Variants in APC observed in about 807,000 individuals in gnomAD.
APC encodes the protein adenomatous polyposis coli protein.
In APC, 72 loss-of-function variants were observed where a neutral mutation model predicts 247.0. The ratio of observed to expected loss-of-function variants is 0.29; its 90% CI spans 0.24 to 0.35. The LOEUF is 0.35. APC is among the 10% of genes least tolerant of loss of function. APC has a pLI of 1.00. For synonymous variants in APC, 1,254 were observed against 1,162.5 expected, an observed-to-expected ratio of 1.08 and a Z score of -1.60; for missense variants, 3,400 against 3,360.7, an observed-to-expected ratio of 1.01 and a Z score of -0.29.
intron 8 of APC, among the ~76,000 whole-genome samples, chr5:112,815,285 G>T (rs1470534485): frequency 6.6e-6 from 1 of 152,114 alleles, no homozygotes; most frequent in Non-Finnish European, 1.5e-5. Context: ...ATGCTCATAT[G>T]CAAGAAACTC....
At chr5:112,825,402 A>G (rs1763541507) in intron 11 of APC, among the ~76,000 whole-genome samples, 2 of 152,198 alleles carry the variant, frequency 1.3e-5, no homozygotes, top group Admixed American at 1.3e-4. Flanking sequence ...AATGTGGCAC[A>G]TAAAGTCTTA....
chr5:112,791,755 C>T (rs998429283), intron 6 of APC, among the ~76,000 whole-genome samples: 2 of 151,974 alleles, frequency 1.3e-5, no homozygotes, highest in Non-Finnish European at 2.9e-5. Context: ...ATTAATGTCT[C>T]GATTAATATA....
rs370948574 is a variant in APC, at chr5:112,841,960, A to G, written c.6366A>G (p.Ala2122=). The part of the protein sequence containing the change: ...VSSLHQAAAA[A]CLSRQASSDS... ...GTTTACATCAAGCTGCTGCTGCTGC[A>G]TGTTTATCTAGACAAGCTTCGTCTG... Residue 2122 remains alanine, a synonymous_variant, in exon 16 of 16, where the codon GCA becomes GCG. Coordinates refer to ENST00000257430, the MANE Select transcript of APC (RefSeq NM_000038.6). The surrounding 1 kb of genome is among the most constrained non-coding windows in gnomAD (Gnocchi z 4.6). The G allele has an allele frequency of 6.2e-7, 1 of 1,613,474 alleles. No homozygotes were observed. The highest frequency in any genetic ancestry group is 1.1e-5 in the South Asian group (1 of 91,076).
chr5:112,759,554 C>T lies in APC; in HGVS notation c.135+4529C>T, dbSNP rs563426144. Among the ~76,000 whole-genome samples, 6 of 151,896 alleles carry T rather than the reference C, an allele frequency of 4.0e-5. No homozygotes were observed. In the South Asian group the frequency reaches 6.2e-4, roughly 16 times the overall value. ...TGTATTTTTAGTAGAGATGGGGTTT[C>T]GCCATGTTAGCCAGGATGTTCTCAA... On this transcript the variant is annotated intron_variant, in intron 2 of 15. Transcript: ENST00000257430.
At chr5:112,763,439 G>T (rs1198527466) in intron 2 of APC, among the ~76,000 whole-genome samples, 1 of 151,658 alleles carries the variant, frequency 6.6e-6, no homozygotes, top group Admixed American at 6.6e-5. Context: ...TCCATTGTAG[G>T]TACAGCTAAA....
chr5:112,832,529 A>G (rs919366641), intron 14 of APC, among the ~76,000 whole-genome samples: 7 of 152,222 alleles, frequency 4.6e-5, no homozygotes, highest in African/African-American at 1.7e-4. Flanking sequence ...TAGACCCAAA[A>G]TGTTTGCTGT....
rs886059807 is a variant in APC at position 112,844,771 on chromosome 5, A to G, written c.*645A>G. ...CACTATTTTGTGCTCCAAACAAAAC[A>G]AAAATCTGTGTAACTGTAAAACATT... On this transcript the variant is annotated 3_prime_UTR_variant, in exon 16 of 16. Transcript: ENST00000257430. The G allele has an allele frequency of 1.9e-4, 44 of 231,888 alleles. No individual in the cohort carries two copies. The Admixed American group carries it at 2.3e-3, about 12-fold the overall frequency. The allele number at this position is 231,888 out of a possible 1,614,324, so 14.4% of individuals were successfully genotyped here.
chr5:112,841,973 C>G lies in APC; in HGVS notation c.6379C>G (p.Gln2127Glu), dbSNP rs1554087377. The G allele has an allele frequency of 6.2e-7, 1 of 1,613,346 alleles. No homozygotes were observed. Among genetic ancestry groups the G allele is most frequent in the Non-Finnish European group, 8.5e-7 (1 of 1,179,358 alleles). The change falls in exon 16 of 16, where the codon CAA (glutamine) becomes GAA (glutamate). Residue 2127 changes from glutamine (Q) to glutamate (E), a missense_variant. Gln to Glu is a conservative substitution (Grantham distance 29). Transcript: ENST00000257430. The surrounding 1 kb of genome is among the most constrained non-coding windows in gnomAD (Gnocchi z 4.6). ...TGCTGCTGCTGCATGTTTATCTAGA[C>G]AAGCTTCGTCTGATTCAGATTCCAT... ...QAAAAACLSRQASSDSDSILS... is the reference protein window; with the variant it reads ...QAAAAACLSREASSDSDSILS...
intron 14 of APC, chr5:112,829,803 C>T (rs778824881): frequency 6.6e-6 from 1 of 152,210 alleles, no homozygotes; most frequent in Admixed American, 6.5e-5. Context: ...CTCCAAACCT[C>T]AATCCCCTCA....
chr5:112,815,425 C>T (rs914507634), intron 8 of APC, 70 bp from the exon 9 acceptor site: 1 of 1,109,492 alleles, frequency 9.0e-7, no homozygotes. Context: ...ATTTGGAGTA[C>T]CTTAACATGA....
At chr5:112,719,774 C>T (rs1234411682) in intron 1 of APC, among the ~76,000 whole-genome samples, 1 of 152,136 alleles carries the variant, frequency 6.6e-6, no homozygotes, top group Admixed American at 6.5e-5. Context: ...AATTCCTGAC[C>T]TCAGGTGATC....
intron 2 of APC, among the ~76,000 whole-genome samples, chr5:112,765,900 T>G (rs2149782201): frequency 6.6e-6 from 1 of 152,326 alleles, no homozygotes; most frequent in East Asian, 1.9e-4. Flanking sequence ...TTGAAGTTGT[T>G]AAATAGATTA....
At position 112,818,924 on chromosome 5, in the gene APC, A is replaced by G. The variant is rs766206881; in HGVS notation, c.934-42A>G. ...CTTAATTGGTTTTTGGCTTTTGGAT[A>G]TTAAAGTCGTAATTTTGTTTCTAAA... On this transcript the variant is annotated intron_variant, in intron 9 of 15. Coordinates refer to ENST00000257430, the MANE Select transcript of APC (RefSeq NM_000038.6). 6 of 1,591,648 alleles carry G rather than the reference A, an allele frequency of 3.8e-6. No individual in the cohort carries two copies. Among genetic ancestry groups the G allele is most frequent in the East Asian group, 2.3e-5 (1 of 42,578 alleles).
At position 112,838,762 on chromosome 5, in the gene APC, A is replaced by G. The variant is rs2149885904; in HGVS notation, c.3168A>G (p.Ile1056Met). 6.2e-7 allele frequency: 1 copy of G among 1,614,158 alleles called. No individual in the cohort carries two copies. Among genetic ancestry groups the G allele is most frequent in the East Asian group, 2.2e-5 (1 of 44,870 alleles). The change falls in exon 16 of 16, where the codon ATA (isoleucine) becomes ATG (methionine). Residue 1056 changes from isoleucine (I) to methionine (M), a missense_variant. By Grantham distance (10) the Ile-to-Met change is conservative. Around this residue, in one of 9 missense-constraint regions of APC, gnomAD observed 715 missense variants for 656.6 expected, o/e 1.09. Coordinates refer to ENST00000257430, the MANE Select transcript of APC (RefSeq NM_000038.6). ...GATGGGCAAGACCCAAACACATAAT[A>G]GAAGATGAAATAAAACAAAGTGAGC... The part of the protein sequence containing the change: ...NERWARPKHI[I>M]EDEIKQSEQR...
chr5:112,712,588 C>T (rs1427104368), intron 1 of APC, among the ~76,000 whole-genome samples: 1 of 148,712 alleles, frequency 6.7e-6, no homozygotes, highest in Non-Finnish European at 1.5e-5. Context: ...GCGACCGGGG[C>T]TTGCTGTATT....
chr5:112,757,799 C>G (rs1218679180), intron 2 of APC, among the ~76,000 whole-genome samples: 1 of 152,150 alleles, frequency 6.6e-6, no homozygotes, highest in Non-Finnish European at 1.5e-5. Flanking sequence ...AAAGAGGACA[C>G]TGCTTTGCTA....
chr5:112,798,578 T>C (rs1267812646), intron 7 of APC, among the ~76,000 whole-genome samples: 2 of 152,214 alleles, frequency 1.3e-5, no homozygotes, highest in African/African-American at 2.4e-5. Context: ...TTTCAAGTTC[T>C]ATCACCTAGA....
At chr5:112,794,373 C>A (rs1580431241) in intron 7 of APC, among the ~76,000 whole-genome samples, 1 of 152,314 alleles carries the variant, frequency 6.6e-6, no homozygotes. Flanking sequence ...AGCCACTGCG[C>A]CTGACCCCTG....
Position 112,732,322 on chromosome 5 carries a change from T to C in APC, c.165+24440T>C, listed in dbSNP as rs368323667. On this transcript the variant is annotated intron_variant, in intron 1 of 13. Transcript: ENST00000507379. ...CATCCCTGGCAGCACATACCAAAGCTTGGGCACTACCCACAGATTCTTTCT... is the reference window on the plus strand; with the variant it reads ...CATCCCTGGCAGCACATACCAAAGCCTGGGCACTACCCACAGATTCTTTCT... 2.6e-5 allele frequency among the ~76,000 whole-genome samples: 4 copies of C among 152,172 alleles called. No homozygotes were observed. In the East Asian group the frequency reaches 5.8e-4, roughly 22 times the overall value.
Sources: gnomAD v4.1 joint callset for allele counts (sites outside exome capture counted in the v4.1 genomes callset) on GRCh38, gnomAD v4.1.1 for gene constraint, gnomAD v4.1.1 regional missense constraint, Gnocchi (gnomAD v3.1) non-coding constraint, MANE v1.5 for transcripts, NCBI Gene and HGNC (gene_info 2026-07-23, HGNC 2026-07-21) for gene names.